MPDZ: variants seen among roughly 807,000 people sequenced by gnomAD.
The protein encoded by MPDZ is multiple PDZ domain protein.
MPDZ carries 234 observed loss-of-function variants against 239.1 expected under a neutral mutation model. The observed-to-expected ratio is 0.98, with a 90% CI of 0.88 to 1.09. The LOEUF (loss-of-function observed/expected upper bound fraction) is 1.09, where lower values mean the gene tolerates loss of function less well. Ranked by LOEUF, MPDZ falls within the 50% of genes least tolerant of loss-of-function variation. The pLI is 0.00. For synonymous variants in MPDZ, 1,048 were observed against 881.3 expected, an observed-to-expected ratio of 1.19 and a Z score of -3.35; for missense variants, 3,175 against 2,510.0, an observed-to-expected ratio of 1.26 and a Z score of -5.66.
In MPDZ at chr9:13,114,000, A is replaced by G. The variant is rs770624261; in HGVS notation, c.5488T>C (p.Ser1830Pro). The G allele has an allele frequency of 1.1e-5, 17 of 1,596,192 alleles. No homozygotes were observed. The highest frequency in any genetic ancestry group is 1.7e-5 in the Admixed American group (1 of 57,596). Residue 1830 changes from serine (S) to proline (P), a missense_variant, in exon 41 of 47, where the codon TCT becomes CCT. Transcript: ENST00000319217. Reference sequence around the variant, plus strand: ...GATCCAGAGAGTGGAAAAGTGAAAGATGACAGGCTGCCTTCACTCACCTAC... The same window carrying G: ...GATCCAGAGAGTGGAAAAGTGAAAGGTGACAGGCTGCCTTCACTCACCTAC... ...SSQVSEGSLS[S>P]FTFPLSGSST...
chr9:13,197,177 T>TA (rs1955759405), intron 12 of MPDZ, among the ~76,000 whole-genome samples: 7 of 137,186 alleles, frequency 5.1e-5, no homozygotes, highest in South Asian at 2.4e-4. Context: ...ATATATATAT[T>TA]TTTAGTTTGA....
At chr9:13,115,376 T>C in intron 39 of MPDZ, 42 bp from the exon 40 acceptor site, 1 of 1,450,584 alleles carries the variant, frequency 6.9e-7, no homozygotes, top group Non-Finnish European at 9.7e-7. Flanking sequence ...AATGTTTAAA[T>C]AAAATGCTAT....
intron 3 of MPDZ, among the ~76,000 whole-genome samples, chr9:13,234,909 A>G (rs988619238): frequency 3.3e-5 from 5 of 152,246 alleles, no homozygotes; most frequent in South Asian, 4.1e-4. Flanking sequence ...ATGCTGTAAA[A>G]CACTCTCTGG....
At chr9:13,194,251 C>T (rs1955339483) in intron 13 of MPDZ, among the ~76,000 whole-genome samples, 2 of 152,048 alleles carry the variant, frequency 1.3e-5, no homozygotes, top group Non-Finnish European at 2.9e-5. Context: ...TTGTATACTT[C>T]CGCACTTGAC....
intron 30 of MPDZ, 138 bp from the exon 31 acceptor site, chr9:13,136,320 G>GTTTTA: frequency 5.2e-6 from 1 of 193,264 alleles, no homozygotes; most frequent in East Asian, 1.2e-4. Flanking sequence ...ATTTACAAAC[G>GTTTTA]TTTTCTTTTT....
At position 13,143,469 on chromosome 9, in the gene MPDZ, G is replaced by A. The variant is rs745439826; in HGVS notation, c.3837C>T (p.Asp1279=). The change falls in exon 27 of 47, where the codon GAC becomes GAT. Residue 1279 remains aspartate, a synonymous_variant. Coordinates refer to ENST00000319217, the MANE Select transcript of MPDZ (RefSeq NM_001378778.1). The stretch of plus-strand genomic sequence containing the variant: ...AAGACAATGGGCATTATCCAACCTT[G>A]TCGGCGTTGATTTGTAGAGAGTCAG... ...PFADSLQINA[D]KAPSQSESEP... The A allele has an allele frequency of 1.7e-5, 28 of 1,610,500 alleles. No homozygotes were observed. Among genetic ancestry groups the A allele is most frequent in the Middle Eastern group, 3.3e-4 (2 of 6,064 alleles).
chr9:13,126,929 C>G (rs534444331), intron 32 of MPDZ, among the ~76,000 whole-genome samples, 157 bp from the exon 33 acceptor site: 8 of 152,208 alleles, frequency 5.3e-5, no homozygotes, highest in Non-Finnish European at 1.2e-4. Context: ...CTTGTCTTTT[C>G]TTAAACAAAC....
chr9:13,182,996 T>C (rs1397510862), intron 19 of MPDZ, among the ~76,000 whole-genome samples: 1 of 152,166 alleles, frequency 6.6e-6, no homozygotes, highest in African/African-American at 2.4e-5. Context: ...TTAACTTAGC[T>C]AGTAAATGTT....
rs1285619535 is a variant in MPDZ at position 13,236,257 on chromosome 9, ATATATATATATTTTTTTTT to A, written c.183+11359_183+11377del. ...TATATGTGTGTGTGTGTGTATATAT[ATATATATATATTTTTTTTT>A]TTTTTTTTTTTTTTTTTTGAGACAG... On this transcript the variant is annotated intron_variant, in intron 3 of 46. Coordinates refer to ENST00000319217, the MANE Select transcript of MPDZ (RefSeq NM_001378778.1). Among the ~76,000 whole-genome samples the A allele has an allele frequency of 8.2e-5, 2 of 24,336 alleles. 1 individual carries two copies. Among genetic ancestry groups the A allele is most frequent in the Non-Finnish European group, 1.6e-4 (2 of 12,228 alleles). 16.0% of individuals were successfully genotyped at this position (24,336 alleles called of 152,430 possible).
intron 19 of MPDZ, among the ~76,000 whole-genome samples, chr9:13,178,035 A>T (rs1268475291): frequency 1.3e-5 from 2 of 151,962 alleles, no homozygotes; most frequent in Admixed American, 1.3e-4. Flanking sequence ...TCATCTCCTG[A>T]CCTCGTGATT....
At chr9:13,229,442 T>G (rs1198483475) in intron 3 of MPDZ, among the ~76,000 whole-genome samples, 1 of 151,154 alleles carries the variant, frequency 6.6e-6, no homozygotes. Context: ...AGGTATCTAA[T>G]CTTCAAAGCA....
chr9:13,162,582 G>T, intron 23 of MPDZ, 109 bp downstream of exon 23: 1 of 489,900 alleles, frequency 2.0e-6, no homozygotes, highest in Non-Finnish European at 3.5e-6. Context: ...TCTTGAAAGA[G>T]GAAAAGGATT....
In MPDZ at chr9:13,125,226, C is replaced by G. The variant is rs748956256; in HGVS notation, c.4797G>C (p.Glu1599Asp). Residue 1599 changes from glutamate (E) to aspartate (D), a missense_variant, in exon 35 of 47, where the codon GAG (glutamate) becomes GAC (aspartate). Glu to Asp is a conservative substitution (Grantham distance 45, BLOSUM62 2). Transcript: ENST00000319217. ...GTCCAGAGGCCTTACTTCGGATGGA[C>G]TCCGGTTCTGGGGAGCCAGACTGTG... ...MVPQSGSPEP[E>D]SIRNTSRSST... 5.6e-6 allele frequency: 9 copies of G among 1,597,910 alleles called. No individual in the cohort carries two copies. In the African/African-American group the frequency reaches 1.1e-4, roughly 19 times the overall value.
At chr9:13,110,868 T>C (rs1167291935) in intron 43 of MPDZ, 128 bp from the exon 44 acceptor site, 1 of 566,092 alleles carries the variant, frequency 1.8e-6, no homozygotes, top group African/African-American at 1.9e-5. Flanking sequence ...CACTGAAATA[T>C]AACCAAGGAA....
At chr9:13,224,913 A>AGGTT (rs1356958141) in intron 3 of MPDZ, among the ~76,000 whole-genome samples, 81 of 152,238 alleles carry the variant, frequency 5.3e-4, no homozygotes, top group African/African-American at 1.8e-3. Context: ...AGATCCTATG[A>AGGTT]AGTAACCTCT....
At chr9:13,108,302 C>T (rs1941827551) in intron 46 of MPDZ, among the ~76,000 whole-genome samples, 1 of 152,014 alleles carries the variant, frequency 6.6e-6, no homozygotes. Flanking sequence ...TTTACCAGTA[C>T]TGCAATATCT....
Position 13,196,033 on chromosome 9 carries a change from A to G in MPDZ, c.1656+88T>C, listed in dbSNP as rs180858640. On this transcript the variant is annotated intron_variant, in intron 13 of 46. Transcript: ENST00000319217. ...CCTGTACATTTGATTCTTCTCTGGA[A>G]CTCTAATGATTGCCTCTATTATTCC... 1.7e-3 allele frequency: 1,389 copies of G among 810,642 alleles called. 3 individuals carry two copies. Among genetic ancestry groups the G allele is most frequent in the Non-Finnish European group, 2.3e-3 (1,196 of 520,272 alleles). 50.2% of individuals were successfully genotyped at this position (810,642 alleles called of 1,614,324 possible).
intron 35 of MPDZ, 44 bp from the exon 36 acceptor site, chr9:13,123,342 T>A: frequency 6.6e-7 from 1 of 1,526,414 alleles, no homozygotes; most frequent in Non-Finnish European, 8.9e-7. Context: ...AATTGGTTAC[T>A]AAGGCATATC....
intron 1 of MPDZ, among the ~76,000 whole-genome samples, chr9:13,251,822 A>C (rs981377243): frequency 1.3e-5 from 2 of 152,184 alleles, no homozygotes; most frequent in African/African-American, 4.8e-5. Context: ...ACTCCATTTC[A>C]AATGTTAAAT....
Sources: allele counts gnomAD v4.1 joint callset (sites outside exome capture counted in the v4.1 genomes callset), GRCh38; gene constraint gnomAD v4.1.1; transcripts MANE v1.5; gene names NCBI Gene and HGNC (gene_info 2026-07-23, HGNC 2026-07-21).